The following AHCYL2 variants were observed in gnomAD, a reference collection of about 807,000 sequenced individuals.
AHCYL2 encodes the protein adenosylhomocysteinase like 2.
AHCYL2 carries 28 observed loss-of-function variants against 81.4 expected under a neutral mutation model. The ratio of observed to expected loss-of-function variants is 0.34; its 90% CI spans 0.25 to 0.47. The LOEUF is 0.47. AHCYL2 is among the 20% of genes least tolerant of loss of function. The pLI is 1.00. For synonymous variants in AHCYL2, 272 were observed against 290.2 expected (o/e 0.94, Z 0.64); for missense variants, 551 against 785.1 (o/e 0.70, Z 3.56).
intron 12 of AHCYL2, among the ~76,000 whole-genome samples, chr7:129,421,251 C>CAAA (rs11411466): frequency 1.5e-5 from 2 of 137,040 alleles, no homozygotes; most frequent in African/African-American, 2.7e-5. Flanking sequence ...GACTCCATCT[C>CAAA]AAAAAAAAAA....
chr7:129,328,448 T>G (rs1202001220), intron 1 of AHCYL2, among the ~76,000 whole-genome samples: 2 of 152,124 alleles, frequency 1.3e-5, no homozygotes, highest in African/African-American at 4.8e-5. Context: ...AGCGCTGGGA[T>G]TACAGGCTTG....
intron 1 of AHCYL2, among the ~76,000 whole-genome samples, chr7:129,245,997 A>G (rs1279422507): frequency 6.6e-5 from 10 of 151,970 alleles, no homozygotes; most frequent in East Asian, 1.9e-4. Context: ...ATTTTTATAC[A>G]TCGACAACAC....
At chr7:129,401,192 T>TGTA (rs543218571) in intron 6 of AHCYL2, among the ~76,000 whole-genome samples, 118 of 152,124 alleles carry the variant, frequency 7.8e-4, no homozygotes, top group Non-Finnish European at 1.3e-3. Context: ...GGCATGCACC[T>TGTA]GTAGTAGTAG....
intron 1 of AHCYL2, among the ~76,000 whole-genome samples, chr7:129,321,878 C>T (rs1798046716): frequency 2.0e-5 from 3 of 150,838 alleles, no homozygotes; most frequent in South Asian, 2.1e-4. Context: ...CAGGTTCAAG[C>T]GATCCTCCTG....
At chr7:129,381,350 C>T (rs1229763627) in intron 2 of AHCYL2, among the ~76,000 whole-genome samples, 1 of 152,006 alleles carries the variant, frequency 6.6e-6, no homozygotes, top group Non-Finnish European at 1.5e-5. Context: ...TATCTATTTA[C>T]CTGGAAGAGA....
chr7:129,365,595 G>A (rs1204042826), intron 1 of AHCYL2, among the ~76,000 whole-genome samples: 1 of 135,782 alleles, frequency 7.4e-6, no homozygotes, highest in African/African-American at 2.9e-5. Context: ...CATTCAAGAA[G>A]TAGCAGATAA....
At chr7:129,379,060 C>T (rs1018765279) in intron 1 of AHCYL2, among the ~76,000 whole-genome samples, 1 of 151,994 alleles carries the variant, frequency 6.6e-6, no homozygotes, top group African/African-American at 2.4e-5. Flanking sequence ...GTGGGTGAAT[C>T]ACTTGAGGTC....
chr7:129,405,127 G>A lies in AHCYL2; in HGVS notation c.1056G>A (p.Leu352=). The A allele has an allele frequency of 6.2e-7, 1 of 1,605,866 alleles. No homozygotes were observed. Reference sequence around the variant, plus strand: ...ACCAACTGTCCAAAGCTGGGAAGCTGTGTGTTCCAGCCATGAATGTCAATG... The same window carrying A: ...ACCAACTGTCCAAAGCTGGGAAGCTATGTGTTCCAGCCATGAATGTCAATG... ...RLYQLSKAGK[L]CVPAMNVNDS... The change falls in exon 8 of 17, where the codon CTG becomes CTA. Residue 352 remains leucine (L), a synonymous_variant. Transcript: ENST00000325006.
intron 1 of AHCYL2, among the ~76,000 whole-genome samples, chr7:129,266,279 A>C (rs1375664709): frequency 6.6e-6 from 1 of 152,256 alleles, no homozygotes; most frequent in East Asian, 1.9e-4. Context: ...GACTTTGTTC[A>C]ATTGACTTAA....
chr7:129,387,225 A>G (rs140928138), intron 2 of AHCYL2, among the ~76,000 whole-genome samples: 103 of 152,376 alleles, frequency 6.8e-4, no homozygotes, highest in African/African-American at 2.2e-3. Context: ...GACTAGACTG[A>G]AAACTCCATG....
rs79518285 is a variant in AHCYL2, at chr7:129,419,229, G to C, written c.1462-3611G>C. Among the ~76,000 whole-genome samples the C allele has an allele frequency of 6.9e-3, 1,050 of 152,192 alleles. 13 individuals carry two copies. Among genetic ancestry groups the C allele is most frequent in the African/African-American group, 0.023 (959 of 41,518 alleles). ...TTATGCTCTCCACTGTCTTTTGGCC[G>C]TATCTTTCTTTTATATGTTTGCTTT... is the stretch of plus-strand genomic sequence containing the variant. On this transcript the variant is annotated intron_variant, in intron 12 of 16. Coordinates refer to ENST00000325006, the MANE Select transcript of AHCYL2 (RefSeq NM_015328.4). The surrounding 1 kb of genome is among the most constrained non-coding windows in gnomAD (Gnocchi z 4.7).
At chr7:129,371,323 C>T (rs1794399650) in intron 1 of AHCYL2, among the ~76,000 whole-genome samples, 1 of 152,128 alleles carries the variant, frequency 6.6e-6, no homozygotes, top group Non-Finnish European at 1.5e-5. Flanking sequence ...TAAAAATCAC[C>T]AGCAAAAAGG....
At chr7:129,241,125 G>A (rs1268051762) in intron 1 of AHCYL2, among the ~76,000 whole-genome samples, 1 of 152,154 alleles carries the variant, frequency 6.6e-6, no homozygotes, top group Non-Finnish European at 1.5e-5. Context: ...TTAGGAAAAA[G>A]AGTTGACACA....
chr7:129,325,202 G>A lies in AHCYL2; in HGVS notation c.364-54436G>A, dbSNP rs561418107. Reference sequence around the variant, plus strand: ...GACTTCCTTTAATGTTTCTTGTACTGCAAGCCTGGTAGTGATGCTTTTTTC... The same window carrying A: ...GACTTCCTTTAATGTTTCTTGTACTACAAGCCTGGTAGTGATGCTTTTTTC... On this transcript the variant is annotated intron_variant, in intron 1 of 16. Transcript: ENST00000325006. Among the ~76,000 whole-genome samples, 3 of 152,004 alleles carry A rather than the reference G, an allele frequency of 2.0e-5. No homozygotes were observed. In the South Asian group the frequency reaches 6.2e-4, roughly 32 times the overall value.
intron 1 of AHCYL2, among the ~76,000 whole-genome samples, chr7:129,350,255 C>A (rs557474043): frequency 6.6e-6 from 1 of 152,118 alleles, no homozygotes; most frequent in African/African-American, 2.4e-5. Context: ...CCTGTCCATA[C>A]TTGTTTCCTC....
intron 1 of AHCYL2, among the ~76,000 whole-genome samples, chr7:129,265,512 G>A (rs984039575): frequency 3.9e-5 from 6 of 152,124 alleles, no homozygotes; most frequent in African/African-American, 1.4e-4. Flanking sequence ...CAAGTGCACA[G>A]GTTCTGAGGG....
intron 1 of AHCYL2, among the ~76,000 whole-genome samples, chr7:129,265,423 G>A (rs1190100576): frequency 6.6e-6 from 1 of 152,216 alleles, no homozygotes; most frequent in East Asian, 1.9e-4. Context: ...TAGGGAAAGA[G>A]ATGAGGGAGT....
rs1797418645 is a variant in AHCYL2, at chr7:129,427,623, G to A, written c.*578G>A. ...GCTACATCAAGAACTCAGCTGTGCT[G>A]TGCCTACCAGGGGTCTCCTTTCTTA... is the stretch of plus-strand genomic sequence containing the variant. On this transcript the variant is annotated 3_prime_UTR_variant, in exon 17 of 17. Coordinates refer to ENST00000325006, the MANE Select transcript of AHCYL2 (RefSeq NM_015328.4). The surrounding 1 kb of genome is among the most constrained non-coding windows in gnomAD (Gnocchi z 5.5). 1 of 152,726 alleles carries A rather than the reference G, an allele frequency of 6.5e-6. No individual in the cohort carries two copies. Among genetic ancestry groups the A allele is most frequent in the South Asian group, 2.1e-4 (1 of 4,834 alleles). The allele number at this position is 152,726 out of a possible 1,614,324, so 9.5% of individuals were successfully genotyped here. A position where few individuals can be genotyped will look rare whatever the true frequency, so the allele number is the denominator to read the frequency against.
rs753235406 is a variant in AHCYL2 at position 129,225,200 on chromosome 7, GC to G, written c.131del (p.Pro44ArgfsTer43). 2.3e-5 allele frequency: 35 copies of G among 1,551,212 alleles called. No individual in the cohort carries two copies. The highest frequency in any genetic ancestry group is 1.2e-4 in the East Asian group (5 of 40,006). On this transcript the variant is annotated frameshift_variant, in exon 1 of 17. Coordinates refer to ENST00000325006, the MANE Select transcript of AHCYL2 (RefSeq NM_015328.4). LOFTEE classifies it high-confidence loss of function. ...GAGCACGGCCGCCGTGGGCGCCATGGCCCCCCCGGCGGGCGGTGGAGACCCT... is the reference window on the plus strand; with the variant it reads ...GAGCACGGCCGCCGTGGGCGCCATGGCCCCCCGGCGGGCGGTGGAGACCCT... ...GLSTAAVGAM[A>X]PPAGGGDPEA...
Sources: allele counts gnomAD v4.1 joint callset (sites outside exome capture counted in the v4.1 genomes callset), GRCh38; gene constraint gnomAD v4.1.1; non-coding constraint Gnocchi (gnomAD v3.1); transcripts MANE v1.5; gene names NCBI Gene and HGNC (gene_info 2026-07-23, HGNC 2026-07-21).